The following FHIT variants were observed in gnomAD, a reference collection of about 807,000 sequenced individuals.
FHIT encodes the protein fragile histidine triad diadenosine triphosphatase.
In FHIT, 19 loss-of-function variants were observed where a neutral mutation model predicts 17.9. That is an observed-to-expected ratio of 1.06 (90% confidence interval 0.74 to 1.56). The LOEUF (loss-of-function observed/expected upper bound fraction) is 1.56. Among genes scored for constraint, FHIT ranks in the 40% most tolerant of loss-of-function variants. FHIT has a pLI of 0.00. For missense variants in FHIT, 248 were observed against 189.2 expected (o/e 1.31, Z -1.82); for synonymous variants, 81 against 69.7 (o/e 1.16, Z -0.81).
At chr3:61,011,031 G>C (rs2107622881) in intron 3 of FHIT, among the ~76,000 whole-genome samples, 1 of 152,218 alleles carries the variant, frequency 6.6e-6, no homozygotes. Flanking sequence ...TTCACTTAAG[G>C]TAAACTTCGA....
intron 4 of FHIT, among the ~76,000 whole-genome samples, chr3:60,622,347 T>G (rs1279062311): frequency 6.6e-6 from 1 of 151,904 alleles, no homozygotes; most frequent in African/African-American, 2.4e-5. Context: ...ATGTGGATTT[T>G]TTGAAACGTA....
At chr3:60,045,792 C>T (rs17061923) in intron 5 of FHIT, among the ~76,000 whole-genome samples, 4,636 of 152,124 alleles carry the variant, frequency 0.03, 120 homozygotes, top group Middle Eastern at 0.099. Flanking sequence ...TGGGTGATTT[C>T]CAAGTCTCTG....
In FHIT at chr3:60,002,327, C is replaced by T. The variant is rs537979360; in HGVS notation, c.279+9044G>A. ...TGTTGTTTGTTTGTTTGTTTGTTGCCCTTCCCTCCTGAGGTTTTGGATTAA... is the reference window on the plus strand; with the variant it reads ...TGTTGTTTGTTTGTTTGTTTGTTGCTCTTCCCTCCTGAGGTTTTGGATTAA... On this transcript the variant is annotated intron_variant, in intron 7 of 9. Coordinates refer to ENST00000492590, the MANE Select transcript of FHIT (RefSeq NM_002012.4). Among the ~76,000 whole-genome samples the T allele has an allele frequency of 2.0e-5, 3 of 151,764 alleles. No individual in the cohort carries two copies. In the South Asian group the frequency reaches 6.3e-4, roughly 32 times the overall value.
chr3:60,231,417 C>T (rs1446090133), intron 5 of FHIT, among the ~76,000 whole-genome samples: 1 of 152,186 alleles, frequency 6.6e-6, no homozygotes, highest in Non-Finnish European at 1.5e-5. Flanking sequence ...ATTACCAACA[C>T]CTCAGAGTCT....
At chr3:60,677,158 T>C (rs1208069410) in intron 4 of FHIT, among the ~76,000 whole-genome samples, 2 of 152,218 alleles carry the variant, frequency 1.3e-5, no homozygotes, top group Non-Finnish European at 2.9e-5. Flanking sequence ...ATTACAGGCA[T>C]GAGCCACTGT....
intron 2 of FHIT, among the ~76,000 whole-genome samples, chr3:61,046,950 T>A (rs4688507): frequency 0.59 from 90,297 of 152,056 alleles, 29,131 homozygotes; most frequent in East Asian, 0.85. Flanking sequence ...CAGGCCTTCA[T>A]GCTAAAAACT....
chr3:61,084,376 C>G (rs2106788095), intron 2 of FHIT, among the ~76,000 whole-genome samples: 1 of 152,282 alleles, frequency 6.6e-6, no homozygotes, highest in South Asian at 2.1e-4. Context: ...CAACTTTGTT[C>G]TGATTCCCCT....
intron 8 of FHIT, among the ~76,000 whole-genome samples, chr3:59,799,252 G>A (rs1286965006): frequency 3.9e-5 from 6 of 152,184 alleles, no homozygotes; most frequent in African/African-American, 1.4e-4. Flanking sequence ...CTTGGGAAGT[G>A]GGAGGCACAG....
At chr3:60,603,068 T>G (rs960865965) in intron 4 of FHIT, among the ~76,000 whole-genome samples, 2 of 152,130 alleles carry the variant, frequency 1.3e-5, no homozygotes. Flanking sequence ...AAAAATAATA[T>G]GAGCAACATA....
At chr3:60,494,951 GCT>G (rs565128692) in intron 5 of FHIT, among the ~76,000 whole-genome samples, 8 of 152,078 alleles carry the variant, frequency 5.3e-5, no homozygotes, top group Non-Finnish European at 1.2e-4. Flanking sequence ...AGCGCAGATC[GCT>G]CTGTGATATA....
At chr3:60,992,629 A>G (rs2030335415) in intron 3 of FHIT, among the ~76,000 whole-genome samples, 1 of 152,222 alleles carries the variant, frequency 6.6e-6, no homozygotes, top group African/African-American at 2.4e-5. Context: ...CAGCAGGACA[A>G]TGGGGAAGTG....
chr3:60,672,017 T>C (rs2040517716), intron 4 of FHIT, among the ~76,000 whole-genome samples: 1 of 152,192 alleles, frequency 6.6e-6, no homozygotes, highest in Non-Finnish European at 1.5e-5. Flanking sequence ...TGTCCCTCTT[T>C]ATCTTTGGTA....
At chr3:61,165,848 AAAG>A (rs1294330246) in intron 2 of FHIT, 4 of 152,364 alleles carry the variant, frequency 2.6e-5, no homozygotes, top group South Asian at 2.1e-4. Context: ...AAAGAGAAAG[AAAG>A]AAGAAGAGAG....
intron 5 of FHIT, among the ~76,000 whole-genome samples, chr3:60,175,812 A>G (rs1193122936): frequency 6.6e-6 from 1 of 152,162 alleles, no homozygotes; most frequent in Non-Finnish European, 1.5e-5. Context: ...CATACTTGAT[A>G]TAAGCAGAAG....
chr3:60,479,097 A>C (rs1317874215), intron 5 of FHIT, among the ~76,000 whole-genome samples: 4 of 152,226 alleles, frequency 2.6e-5, no homozygotes, highest in Admixed American at 6.5e-5. Context: ...AGAGATTTGA[A>C]AATAATGTAC....
chr3:61,154,503 G>C (rs28367502), intron 2 of FHIT, among the ~76,000 whole-genome samples: 1,943 of 152,186 alleles, frequency 0.013, 37 homozygotes, highest in African/African-American at 0.044. Context: ...GCCTGCAGTA[G>C]CCTTCTGGTA....
chr3:60,733,906 G>T (rs1287715798), intron 4 of FHIT, among the ~76,000 whole-genome samples: 1 of 152,134 alleles, frequency 6.6e-6, no homozygotes, highest in Non-Finnish European at 1.5e-5. Flanking sequence ...TATACTTGAT[G>T]CATTTCTGGA....
chr3:60,429,698 AAAG>A (rs1702804677), intron 5 of FHIT, among the ~76,000 whole-genome samples: 1 of 152,074 alleles, frequency 6.6e-6, no homozygotes, highest in Admixed American at 6.6e-5. Flanking sequence ...ATGGAACAAT[AAAG>A]AAGAGAGAAT....
intron 8 of FHIT, among the ~76,000 whole-genome samples, chr3:59,803,438 C>G (rs903600323): frequency 6.6e-6 from 1 of 152,210 alleles, no homozygotes; most frequent in African/African-American, 2.4e-5. Context: ...AAGAGACCTC[C>G]GCCAGCTCCT....
Sources: gnomAD v4.1 joint callset for allele counts (sites outside exome capture counted in the v4.1 genomes callset) on GRCh38, gnomAD v4.1.1 for gene constraint, MANE v1.5 for transcripts, NCBI Gene and HGNC (gene_info 2026-07-23, HGNC 2026-07-21) for gene names.